The following SYT17 variants were observed in gnomAD, a reference collection of about 807,000 sequenced individuals.
The protein encoded by SYT17 is synaptotagmin-17.
SYT17 carries 22 observed loss-of-function variants against 46.7 expected under a neutral mutation model. The observed-to-expected ratio is 0.47, with a 90% confidence interval of 0.34 to 0.67. The LOEUF (loss-of-function observed/expected upper bound fraction) is 0.67, where lower values mean the gene tolerates loss of function less well. Ranked by LOEUF, SYT17 falls within the 30% of genes least tolerant of loss-of-function variation. The pLI, the probability that SYT17 is intolerant of heterozygous loss-of-function variation, is 0.01. For synonymous variants in SYT17, 251 were observed against 248.4 expected (o/e 1.01, Z -0.10); for missense variants, 519 against 612.8 (o/e 0.85, Z 1.62).
intron 5 of SYT17, among the ~76,000 whole-genome samples, chr16:19,204,529 A>G (rs1481277057): frequency 1.3e-5 from 2 of 151,984 alleles, no homozygotes; most frequent in Non-Finnish European, 2.9e-5. Context: ...AGGATGGGGC[A>G]GGGTGGTGCT....
intron 7 of SYT17, among the ~76,000 whole-genome samples, chr16:19,233,608 A>G (rs1966784137): frequency 1.3e-5 from 2 of 152,024 alleles, no homozygotes; most frequent in Non-Finnish European, 2.9e-5. Flanking sequence ...GTGAGCTAGG[A>G]TCATGCCACT....
At chr16:19,211,071 G>T (rs761593253) in intron 5 of SYT17, 6 of 194,936 alleles carry the variant, frequency 3.1e-5, no homozygotes, top group Non-Finnish European at 5.2e-5. Context: ...TGCCCAAGCC[G>T]GCTGCTGGAT....
intron 7 of SYT17, among the ~76,000 whole-genome samples, chr16:19,247,185 T>G (rs996239876): frequency 1.3e-5 from 2 of 152,186 alleles, no homozygotes; most frequent in Non-Finnish European, 2.9e-5. Context: ...TAAAGCCCTC[T>G]CATTATTACG....
chr16:19,190,848 G>A (rs931633971), intron 5 of SYT17, among the ~76,000 whole-genome samples: 2 of 150,624 alleles, frequency 1.3e-5, no homozygotes, highest in Non-Finnish European at 2.9e-5. Context: ...ATGGACACTT[G>A]GATTGCCTCC....
intron 7 of SYT17, among the ~76,000 whole-genome samples, chr16:19,263,795 G>A (rs961924569): frequency 5.3e-5 from 8 of 152,108 alleles, no homozygotes; most frequent in Admixed American, 4.6e-4. Flanking sequence ...ACAATGGAAC[G>A]TTAGCTGGCC....
intron 7 of SYT17, among the ~76,000 whole-genome samples, chr16:19,266,480 A>C (rs1969364590): frequency 6.6e-6 from 1 of 152,244 alleles, no homozygotes; most frequent in Admixed American, 6.5e-5. Context: ...CAACTGGACT[A>C]CATTGACAGG....
chr16:19,182,573 C>G (rs1366147717), intron 4 of SYT17, among the ~76,000 whole-genome samples: 1 of 152,160 alleles, frequency 6.6e-6, no homozygotes, highest in Non-Finnish European at 1.5e-5. Flanking sequence ...AAGTCTCATG[C>G]CCAGCTCTGA....
intron 3 of SYT17, among the ~76,000 whole-genome samples, chr16:19,174,948 C>A (rs8062238): frequency 0.38 from 57,263 of 151,594 alleles, 12,227 homozygotes; most frequent in African/African-American, 0.57. Flanking sequence ...TGAGACCCCC[C>A]CCATGCCCCA....
chr16:19,221,168 T>C (rs1339315360), intron 5 of SYT17, among the ~76,000 whole-genome samples: 1 of 127,252 alleles, frequency 7.9e-6, no homozygotes, highest in East Asian at 2.2e-4. Flanking sequence ...GACTGAGTGA[T>C]AGGGTGAGAC....
intron 7 of SYT17, among the ~76,000 whole-genome samples, chr16:19,260,174 A>AAGTGTTTCTT (rs1968860559): frequency 6.6e-6 from 1 of 151,820 alleles, no homozygotes; most frequent in Non-Finnish European, 1.5e-5. Context: ...AATAGATGGT[A>AAGTGTTTCTT]AGTGTTTCTT....
chr16:19,249,028 A>G (rs1022113622), intron 7 of SYT17, among the ~76,000 whole-genome samples: 3 of 152,148 alleles, frequency 2.0e-5, no homozygotes. Flanking sequence ...TAATCCCAGC[A>G]CTTTGGGAGG....
chr16:19,170,681 A>T (rs1964046886), intron 1 of SYT17: 1 of 152,208 alleles, frequency 6.6e-6, no homozygotes, highest in South Asian at 2.1e-4. Flanking sequence ...CTTTGGTTTC[A>T]TAAATGGCCT....
Position 19,183,661 on chromosome 16 carries a change from G to T in SYT17, c.465G>T (p.Arg155Ser), listed in dbSNP as rs757723014. 3.1e-6 allele frequency: 5 copies of T among 1,614,158 alleles called. No individual in the cohort carries two copies. Among genetic ancestry groups the T allele is most frequent in the Non-Finnish European group, 4.2e-6 (5 of 1,180,036 alleles). The change falls in exon 5 of 8, where the codon AGG becomes AGT. Residue 155 changes from arginine (R) to serine (S), a missense_variant. Transcript: ENST00000355377. This position sits in a 1 kb window ranked among gnomAD's most constrained non-coding sequence, Gnocchi z 5.6. ...CCTATAACCCCGACGACTATTTCAGGAAGTTCGAACCCCACCTGTACTCCC... is the reference window on the plus strand; with the variant it reads ...CCTATAACCCCGACGACTATTTCAGTAAGTTCGAACCCCACCTGTACTCCC... ...RRTYNPDDYF[R>S]KFEPHLYSLD...
intron 7 of SYT17, among the ~76,000 whole-genome samples, chr16:19,244,342 A>T (rs1414918458): frequency 1.3e-5 from 2 of 150,800 alleles, no homozygotes; most frequent in East Asian, 1.9e-4. Flanking sequence ...CTTTATTATT[A>T]TTTTTTTTTG....
intron 7 of SYT17, among the ~76,000 whole-genome samples, chr16:19,233,611 A>C (rs1966784470): frequency 6.6e-6 from 1 of 152,056 alleles, no homozygotes. Context: ...AGCTAGGATC[A>C]TGCCACTGCA....
intron 5 of SYT17, among the ~76,000 whole-genome samples, chr16:19,195,400 CTTTT>C (rs35709095): frequency 7.1e-6 from 1 of 139,974 alleles, no homozygotes. Context: ...CAAAACAAAC[CTTTT>C]TTTTTTTTTT....
intron 5 of SYT17, 116 bp downstream of exon 5, chr16:19,184,263 A>G (rs1964687405): frequency 1.4e-6 from 2 of 1,385,508 alleles, no homozygotes; most frequent in African/African-American, 1.5e-5. Context: ...TTATTTTGAA[A>G]TAATTTTTGA....
intron 7 of SYT17, 125 bp from the exon 8 acceptor site, chr16:19,266,755 A>G (rs1264971447): frequency 1.3e-6 from 1 of 773,830 alleles, no homozygotes; most frequent in Admixed American, 3.1e-5. Flanking sequence ...GCCCTAAACG[A>G]TGACCCCCAT....
chr16:19,258,272 G>A (rs549919500), intron 7 of SYT17, among the ~76,000 whole-genome samples: 3 of 152,094 alleles, frequency 2.0e-5, no homozygotes, highest in Non-Finnish European at 4.4e-5. Flanking sequence ...GTGGGAGGTG[G>A]GGGGCGGGAA....
Sources: allele counts gnomAD v4.1 joint callset (sites outside exome capture counted in the v4.1 genomes callset), GRCh38; gene constraint gnomAD v4.1.1; non-coding constraint Gnocchi (gnomAD v3.1); transcripts MANE v1.5; gene names NCBI Gene and HGNC (gene_info 2026-07-23, HGNC 2026-07-21).